Variants in ATP9B observed in about 807,000 individuals in gnomAD.
ATP9B encodes the protein ATPase phospholipid transporting 9B.
A neutral mutation model predicts 146.1 loss-of-function variants in ATP9B; 110 were observed. The ratio of observed to expected loss-of-function variants is 0.75; its 90% CI spans 0.65 to 0.88. ATP9B has a LOEUF of 0.88. ATP9B is among the 40% of genes least tolerant of loss of function. ATP9B has a pLI of 0.00. For missense variants in ATP9B, 1,499 were observed against 1,496.4 expected, an observed-to-expected ratio of 1.00 and a Z score of -0.03; for synonymous variants, 604 against 569.7, an observed-to-expected ratio of 1.06 and a Z score of -0.86.
chr18:79,226,817 G>A lies in ATP9B; in HGVS notation c.1107+12779G>A, dbSNP rs556371446. On this transcript the variant is annotated intron_variant, in intron 11 of 29. Transcript: ENST00000426216. ...TCTACGGGATAAGTGCTCTGGTAGC[G>A]TAGAGACTGTAGCAGGCTATGAAAG... 6.6e-5 allele frequency among the ~76,000 whole-genome samples: 10 copies of A among 152,312 alleles called. No individual in the cohort carries two copies. In the East Asian group the frequency reaches 1.2e-3, roughly 18 times the overall value.
intron 1 of ATP9B, among the ~76,000 whole-genome samples, chr18:79,086,908 TTTTA>T (rs903369034): frequency 1.3e-5 from 2 of 152,374 alleles, no homozygotes; most frequent in East Asian, 1.9e-4. Context: ...TCCCTTTAAA[TTTTA>T]TTTATTCATT....
intron 2 of ATP9B, among the ~76,000 whole-genome samples, chr18:79,103,416 G>A (rs895227245): frequency 1.3e-5 from 2 of 152,072 alleles, no homozygotes; most frequent in African/African-American, 4.8e-5. Flanking sequence ...TGTGGTGATC[G>A]TGGAAGCCAC....
At chr18:79,186,246 CAT>C (rs1168261280) in intron 8 of ATP9B, among the ~76,000 whole-genome samples, 6 of 152,284 alleles carry the variant, frequency 3.9e-5, no homozygotes, top group South Asian at 2.1e-4. Context: ...TAATGAACCA[CAT>C]GTTATGATTA....
At chr18:79,112,210 T>C (rs909389381) in intron 3 of ATP9B, among the ~76,000 whole-genome samples, 2 of 152,192 alleles carry the variant, frequency 1.3e-5, no homozygotes, top group Non-Finnish European at 2.9e-5. Flanking sequence ...TGGTGAAATT[T>C]TCATACCTTC....
intron 15 of ATP9B, among the ~76,000 whole-genome samples, chr18:79,318,946 T>G (rs769574401): frequency 2.0e-5 from 3 of 152,206 alleles, no homozygotes; most frequent in African/African-American, 7.2e-5. Context: ...GGTCTTCCTT[T>G]AACTCGTGTC....
At chr18:79,339,076 T>C (rs1368175889) in intron 19 of ATP9B, among the ~76,000 whole-genome samples, 1 of 152,130 alleles carries the variant, frequency 6.6e-6, no homozygotes, top group East Asian at 1.9e-4. Flanking sequence ...AAGTATGTCA[T>C]GTTCGCAGTA....
rs1262664506 is a variant in ATP9B at position 79,256,257 on chromosome 18, C to CCATATATATATA, written c.1268+2716_1268+2717insCATATATATATA. On this transcript the variant is annotated intron_variant, in intron 12 of 29. Coordinates refer to ENST00000426216, the MANE Select transcript of ATP9B (RefSeq NM_198531.5). ...ATGCCATTTTGTGAATTCTAGCTAGCTATATATATATATATATATATATAT... is the reference window on the plus strand; with the variant it reads ...ATGCCATTTTGTGAATTCTAGCTAGCCATATATATATATATATATATATATATATATATATAT... 2.3e-3 allele frequency among the ~76,000 whole-genome samples: 229 copies of CCATATATATATA among 100,308 alleles called. 8 individuals carry two copies. Among genetic ancestry groups the CCATATATATATA allele is most frequent in the African/African-American group, 3.6e-3 (77 of 21,608 alleles). 65.8% of individuals were successfully genotyped at this position (100,308 alleles called of 152,430 possible). A position where few individuals can be genotyped will look rare whatever the true frequency, so the allele number is the denominator to read the frequency against.
chr18:79,323,522 TTTTC>T (rs2096727626), intron 15 of ATP9B, among the ~76,000 whole-genome samples: 1 of 152,178 alleles, frequency 6.6e-6, no homozygotes, highest in Non-Finnish European at 1.5e-5. Flanking sequence ...TTCAACCTTT[TTTTC>T]TTAGCTCCCA....
In ATP9B at chr18:79,072,272, G is replaced by A. The variant is rs532171650; in HGVS notation, c.119+2743G>A. On this transcript the variant is annotated intron_variant, in intron 1 of 29. Coordinates refer to ENST00000426216, the MANE Select transcript of ATP9B (RefSeq NM_198531.5). ...GATAAACATGTGAACAAAGGTCTCTGGTTTTCCTAGGCAGAGGACCCTGCG... is the reference window on the plus strand; with the variant it reads ...GATAAACATGTGAACAAAGGTCTCTAGTTTTCCTAGGCAGAGGACCCTGCG... Among the ~76,000 whole-genome samples, 15 of 152,064 alleles carry A rather than the reference G, an allele frequency of 9.9e-5. No individual in the cohort carries two copies. In the East Asian group the frequency reaches 2.3e-3, roughly 23 times the overall value.
chr18:79,298,272 G>T (rs1371741489), intron 13 of ATP9B, among the ~76,000 whole-genome samples: 1 of 146,662 alleles, frequency 6.8e-6, no homozygotes, highest in African/African-American at 2.5e-5. Flanking sequence ...AGGGTCACAG[G>T]GTAGACTGTC....
chr18:79,215,713 G>A (rs568203683), intron 11 of ATP9B, among the ~76,000 whole-genome samples: 2 of 150,386 alleles, frequency 1.3e-5, no homozygotes, highest in African/African-American at 2.4e-5. Flanking sequence ...TTTTTGAGAC[G>A]GAGTCTCACT....
intron 5 of ATP9B, among the ~76,000 whole-genome samples, chr18:79,142,214 G>T (rs2094522530): frequency 6.6e-6 from 1 of 152,102 alleles, no homozygotes; most frequent in Non-Finnish European, 1.5e-5. Context: ...AATTAATCGT[G>T]ATCACTATAT....
At chr18:79,173,945 C>T (rs374823913) in intron 7 of ATP9B, among the ~76,000 whole-genome samples, 4 of 152,184 alleles carry the variant, frequency 2.6e-5, no homozygotes, top group African/African-American at 9.6e-5. Flanking sequence ...TATGGGTGGC[C>T]GGGTTCTTCA....
chr18:79,348,317 A>C (rs1029779731), intron 25 of ATP9B, 121 bp downstream of exon 25: 3 of 952,038 alleles, frequency 3.2e-6, no homozygotes, highest in African/African-American at 1.7e-5. Context: ...ATTTAGAATG[A>C]ATAATACTGA....
intron 1 of ATP9B, among the ~76,000 whole-genome samples, chr18:79,080,311 A>T (rs1489386283): frequency 6.6e-6 from 1 of 151,996 alleles, no homozygotes; most frequent in African/African-American, 2.4e-5. Flanking sequence ...GTCCTCTCTT[A>T]TTTCCTTGAG....
At chr18:79,232,674 T>G (rs983502876) in intron 11 of ATP9B, among the ~76,000 whole-genome samples, 2 of 152,162 alleles carry the variant, frequency 1.3e-5, no homozygotes, top group Non-Finnish European at 2.9e-5. Flanking sequence ...ATTTTTGGAA[T>G]GACCAGATAG....
At chr18:79,131,947 A>G (rs9967354) in intron 5 of ATP9B, among the ~76,000 whole-genome samples, 38,670 of 152,110 alleles carry the variant, frequency 0.25, 5,239 homozygotes, top group East Asian at 0.5. Context: ...AGGTGGCCAT[A>G]GATGAGCGGA....
At chr18:79,195,235 A>C (rs1348403225) in intron 9 of ATP9B, among the ~76,000 whole-genome samples, 2 of 144,106 alleles carry the variant, frequency 1.4e-5, no homozygotes, top group Non-Finnish European at 3.0e-5. Context: ...GTACAGATTC[A>C]AGAAAAATAG....
chr18:79,222,174 A>G (rs1159254492), intron 11 of ATP9B, among the ~76,000 whole-genome samples: 2 of 151,784 alleles, frequency 1.3e-5, no homozygotes, highest in Non-Finnish European at 2.9e-5. Flanking sequence ...CCTGCCCAAT[A>G]TGGTGAAACC....
Sources: allele counts gnomAD v4.1 joint callset (sites outside exome capture counted in the v4.1 genomes callset), GRCh38; gene constraint gnomAD v4.1.1; transcripts MANE v1.5; gene names NCBI Gene and HGNC (gene_info 2026-07-23, HGNC 2026-07-21).